TTN: variants seen among roughly 807,000 people sequenced by gnomAD.
TTN encodes titin, also known as connectin.
TTN carries 1,525 observed loss-of-function variants against 3,223.0 expected under a neutral mutation model. That is an observed-to-expected ratio of 0.47 (90% CI 0.45 to 0.49). The LOEUF is 0.49. Ranked by LOEUF, TTN falls within the 20% of genes least tolerant of loss-of-function variation. TTN has a pLI of 0.00. For missense variants in TTN, 40,786 were observed against 43,424.0 expected (o/e 0.94, Z 5.40); for synonymous variants, 14,094 against 15,161.0 (o/e 0.93, Z 5.17).
Position 178,582,519 on chromosome 2 carries a change from C to T in TTN, c.65937G>A (p.Pro21979=), listed in dbSNP as rs765734959. 1.9e-5 allele frequency: 30 copies of T among 1,612,742 alleles called. No individual in the cohort carries two copies. Among genetic ancestry groups the T allele is most frequent in the South Asian group, 3.3e-5 (3 of 91,016 alleles). Residue 21979 remains proline, a synonymous_variant, in exon 314 of 363, where the codon CCG becomes CCA. Coordinates refer to ENST00000589042, the MANE Select transcript of TTN (RefSeq NM_001267550.2). ...TTTCTGAGCCTCCATCTTCAAGAGG[C>T]GGTTCCCAAGAAAGCATAGCACGAT... ...YSDRAMLSWE[P]PLEDGGSEIT...
chr2:178,763,997 T>C (rs2089871027), intron 43 of TTN, among the ~76,000 whole-genome samples, 180 bp downstream of exon 43: 1 of 152,166 alleles, frequency 6.6e-6, no homozygotes, highest in African/African-American at 2.4e-5. Context: ...GGGCACAAAA[T>C]AGTGAAAAAC....
rs779707857 is a variant in TTN at position 178,577,585 on chromosome 2, A to G, written c.68824+17T>C. The G allele has an allele frequency of 1.0e-5, 16 of 1,562,688 alleles. No individual in the cohort carries two copies. The highest frequency in any genetic ancestry group is 1.4e-5 in the Non-Finnish European group (16 of 1,158,664). ...TGCTTTAAAAAAAAAAGTACATAAA[A>G]AGTAAAATGGACCTACCGTATTCAT... On this transcript the variant is annotated intron_variant, in intron 323 of 362. Transcript: ENST00000589042.
Position 178,785,997 on chromosome 2 carries a change from T to C in TTN, c.2221A>G (p.Ile741Val), listed in dbSNP as rs1254101398. The C allele has an allele frequency of 1.9e-6, 3 of 1,614,050 alleles. No individual in the cohort carries two copies. The highest frequency in any genetic ancestry group is 2.5e-6 in the Non-Finnish European group (3 of 1,179,986). Residue 741 changes from isoleucine (I) to valine (V), a missense_variant, in exon 14 of 363, where the codon ATT becomes GTT. Ile to Val is a conservative substitution (Grantham distance 29). Transcript: ENST00000589042. ...TTLEYGYKER[I>V]SAAKVAEPPQ... Reference sequence around the variant, plus strand: ...GGCTCAGCTACCTTTGCGGCGGAAATGCGTTCCTTATATCCGTACTCCAAA... The same window carrying C: ...GGCTCAGCTACCTTTGCGGCGGAAACGCGTTCCTTATATCCGTACTCCAAA...
At chr2:178,650,025 T>A in intron 210 of TTN, 131 bp from the exon 211 acceptor site, 1 of 1,299,782 alleles carries the variant, frequency 7.7e-7, no homozygotes, top group Non-Finnish European at 1.1e-6. Context: ...AAGTTTTATG[T>A]GTAGAAATAA....
chr2:178,681,679 T>C lies in TTN; in HGVS notation c.33154A>G (p.Lys11052Glu). Residue 11052 changes from lysine (K) to glutamate (E), a missense_variant, in exon 136 of 363, where the codon AAG becomes GAG. By Grantham distance (56) the Lys-to-Glu change is moderately conservative. Coordinates refer to ENST00000589042, the MANE Select transcript of TTN (RefSeq NM_001267550.2). ...VPEEPVPTKP[K>E]APPAKVLKKA... is the part of the protein sequence containing the mutation. Reference sequence around the variant, plus strand: ...ACTCTACCTTTAGCCGGTGGGGCCTTTGGTTTTGTGGGAACTGGTTCTTCT... The same window carrying C: ...ACTCTACCTTTAGCCGGTGGGGCCTCTGGTTTTGTGGGAACTGGTTCTTCT... 6.2e-7 allele frequency: 1 copy of C among 1,605,058 alleles called. No homozygotes were observed.
At chr2:178,770,346 G>A (rs554422572) in intron 35 of TTN, 26 bp from the exon 36 acceptor site, 1 of 1,614,164 alleles carries the variant, frequency 6.2e-7, no homozygotes, top group South Asian at 1.1e-5. Flanking sequence ...GAGCAATTCA[G>A]TGATAGGGTT....
Position 178,704,885 on chromosome 2 carries a change from G to A in TTN, c.29686C>T (p.Gln9896Ter). The change falls in exon 104 of 363, where the codon CAG becomes TAG. Residue 9896 changes from glutamine (Q) to a stop codon, truncating the protein, a stop_gained. Transcript: ENST00000589042. LOFTEE classifies it high-confidence loss of function. ...LVSFIQQRLS[Q>*]TEPVTLIKDI... ...AACATAATTCTTTTTACCTCTGTCT[G>A]TGACAGTCTTTGCTGAATAAATGAT... The A allele has an allele frequency of 6.2e-7, 1 of 1,613,426 alleles. No homozygotes were observed. Among genetic ancestry groups the A allele is most frequent in the Non-Finnish European group, 8.5e-7 (1 of 1,179,742 alleles).
rs926251115 is a variant in TTN, at chr2:178,800,590, T to C, written c.388A>G (p.Ile130Val). ...TAGAACTTCACCACAGGTGTAGGGA[T>C]TCCAGTCACTCTCACTTGGAGTCTC... ...QVRLQVRVTGIPTPVVKFYRD... is the reference protein window; with the variant it reads ...QVRLQVRVTGVPTPVVKFYRD... The change falls in exon 4 of 363, where the codon ATC (isoleucine) becomes GTC (valine). Residue 130 changes from isoleucine (I) to valine (V), a missense_variant. By Grantham distance (29) the Ile-to-Val change is conservative. Coordinates refer to ENST00000589042, the MANE Select transcript of TTN (RefSeq NM_001267550.2). The C allele has an allele frequency of 6.2e-7, 1 of 1,613,932 alleles. No homozygotes were observed. Among genetic ancestry groups the C allele is most frequent in the Non-Finnish European group, 8.5e-7 (1 of 1,179,956 alleles).
intron 149 of TTN, among the ~76,000 whole-genome samples, 167 bp downstream of exon 149, chr2:178,675,504 C>G (rs1191772873): frequency 9.9e-5 from 15 of 151,424 alleles, no homozygotes; most frequent in Admixed American, 9.9e-4. Flanking sequence ...ACACCAACAC[C>G]AAGTGAAAAA....
chr2:178,543,377 A>C lies in TTN; in HGVS notation c.96596T>G (p.Val32199Gly), dbSNP rs1364825678. ...EPCETSDAVLVSEVPLVPAKL... is the reference protein window; with the variant it reads ...EPCETSDAVLGSEVPLVPAKL... Reference sequence around the variant, plus strand: ...TGCAGGCACCAAAGGCACTTCTGAGACCAGTACTGCATCAGATGTTTCACA... The same window carrying C: ...TGCAGGCACCAAAGGCACTTCTGAGCCCAGTACTGCATCAGATGTTTCACA... The change falls in exon 347 of 363, where the codon GTC (valine) becomes GGC (glycine). Residue 32199 changes from valine (V) to glycine (G), a missense_variant. Val to Gly is a moderately radical substitution (Grantham distance 109, BLOSUM62 -3). Transcript: ENST00000589042. 2 of 1,613,798 alleles carry C rather than the reference A, an allele frequency of 1.2e-6. No homozygotes were observed. Among genetic ancestry groups the C allele is most frequent in the Non-Finnish European group, 1.7e-6 (2 of 1,179,800 alleles).
Position 178,574,160 on chromosome 2 carries a change from T to C in TTN, c.71972A>G (p.Glu23991Gly). 6.2e-7 allele frequency: 1 copy of C among 1,613,620 alleles called. No individual in the cohort carries two copies. The highest frequency in any genetic ancestry group is 8.5e-7 in the Non-Finnish European group (1 of 1,179,664). Residue 23991 changes from glutamate (E) to glycine (G), a missense_variant, in exon 326 of 363, where the codon GAA becomes GGA. By Grantham distance (98) the Glu-to-Gly change is moderately conservative (BLOSUM62 -2). Coordinates refer to ENST00000589042, the MANE Select transcript of TTN (RefSeq NM_001267550.2). ...ENEFTVSGLT[E>G]DAAYEFRVIA... ...CACACGGAATTCATATGCAGCATCT[T>C]CTGTTAGGCCACTGACTGTAAATTC...
intron 330 of TTN, chr2:178,555,557 G>A (rs1489463913): frequency 1.1e-5 from 2 of 187,712 alleles, no homozygotes; most frequent in Non-Finnish European, 1.1e-5. Context: ...ATCCAAGTGT[G>A]GATGGTTCAT....
chr2:178,573,543 C>T lies in TTN; in HGVS notation c.72589G>A (p.Val24197Ile). ...ACTCCATATTTATTTACAGCCATGA[C>T]ACGGAATATGTATTCATTGCCTTTC... ...LLKGNEYIFR[V>I]MAVNKYGVGE... Residue 24197 changes from valine to isoleucine, a missense_variant, in exon 326 of 363, where the codon GTC becomes ATC. Transcript: ENST00000589042. 2 of 1,497,224 alleles carry T rather than the reference C, an allele frequency of 1.3e-6. No homozygotes were observed. Among genetic ancestry groups the T allele is most frequent in the South Asian group, 2.9e-5 (2 of 68,628 alleles). 92.7% of individuals were successfully genotyped at this position (1,497,224 alleles called of 1,614,324 possible).
chr2:178,546,634 T>C lies in TTN; in HGVS notation c.94794A>G (p.Glu31598=), dbSNP rs368885714. Residue 31598 remains glutamate, a synonymous_variant, in exon 341 of 363, where the codon GAA becomes GAG. Coordinates refer to ENST00000589042, the MANE Select transcript of TTN (RefSeq NM_001267550.2). ...NAAGVISKGS[E]STGPVTCRDE... is the part of the protein sequence containing the mutation. The stretch of plus-strand genomic sequence containing the variant: ...CTCGGCAAGTGACAGGGCCTGTAGA[T>C]TCAGACCCTTTGCTAATTACGCCTG... 7.4e-6 allele frequency: 12 copies of C among 1,613,216 alleles called. No homozygotes were observed. The highest frequency in any genetic ancestry group is 1.0e-5 in the Non-Finnish European group (12 of 1,179,418).
In TTN at chr2:178,576,752, C is replaced by T. The variant is rs751921225; in HGVS notation, c.69492G>A (p.Val23164=). 2.2e-5 allele frequency: 36 copies of T among 1,613,448 alleles called. No homozygotes were observed. The South Asian group carries it at 3.4e-4, about 15-fold the overall frequency. The change falls in exon 325 of 363, where the codon GTG becomes GTA. Residue 23164 remains valine, a synonymous_variant. Transcript: ENST00000589042. This position sits in a 1 kb window ranked among gnomAD's most constrained non-coding sequence, Gnocchi z 4.3. ...NTATVSWKRP[V]DDGGSEITGY... Reference sequence around the variant, plus strand: ...CTGTAATTTCGCTGCCACCATCATCCACTGGCCTTTTCCAGCTGACAGTGG... The same window carrying T: ...CTGTAATTTCGCTGCCACCATCATCTACTGGCCTTTTCCAGCTGACAGTGG...
Position 178,629,964 on chromosome 2 carries a change from T to C in TTN, c.44281+277A>G, listed in dbSNP as rs147998663. Among the ~76,000 whole-genome samples, 10 of 152,186 alleles carry C rather than the reference T, an allele frequency of 6.6e-5. No homozygotes were observed. The East Asian group carries it at 1.9e-3, about 30-fold the overall frequency. On this transcript the variant is annotated intron_variant, in intron 239 of 362. Transcript: ENST00000589042. ...TTAAGGGTTCTGAGTTAGATTCTCA[T>C]TGTATGTGTATCTACTTTCAATGAG...
At position 178,732,646 on chromosome 2, in the gene TTN, G is replaced by A. The variant is rs911246876; in HGVS notation, c.16415C>T (p.Thr5472Ile). Residue 5472 changes from threonine (T) to isoleucine (I), a missense_variant, in exon 56 of 363, where the codon ACT becomes ATT. Physicochemically the swap from Thr to Ile is moderately conservative, Grantham distance 89. Transcript: ENST00000589042. ...TGTGAGAGGAGTAGATCCTTGGAAAGTGCTCTTCAGGCAGACTGCTGAGCC... is the reference window on the plus strand; with the variant it reads ...TGTGAGAGGAGTAGATCCTTGGAAAATGCTCTTCAGGCAGACTGCTGAGCC... ...LPGSAVCLKS[T>I]FQGSTPLTIR... is the part of the protein sequence containing the mutation. 6.2e-7 allele frequency: 1 copy of A among 1,612,872 alleles called. No homozygotes were observed.
chr2:178,567,638 G>A lies in TTN; in HGVS notation c.78494C>T (p.Ala26165Val), dbSNP rs2154166413. 1.9e-6 allele frequency: 3 copies of A among 1,612,270 alleles called. No homozygotes were observed. The African/African-American group carries it at 4.0e-5, about 21-fold the overall frequency. Reference protein sequence around the residue: ...EDQRYEFRVIAKNAAGAISKP... With the variant: ...EDQRYEFRVIVKNAAGAISKP... ...ACTTATTGCACCAGCTGCATTCTTT[G>A]CAATGACTCTGAATTCATATCTTTG... Residue 26165 changes from alanine (A) to valine (V), a missense_variant, in exon 326 of 363, where the codon GCA (alanine) becomes GTA (valine). Physicochemically the swap from Ala to Val is moderately conservative, Grantham distance 64. Coordinates refer to ENST00000589042, the MANE Select transcript of TTN (RefSeq NM_001267550.2).
chr2:178,529,344 A>G (rs949055862), intron 359 of TTN, 125 bp from the exon 360 acceptor site: 2 of 625,658 alleles, frequency 3.2e-6, no homozygotes, highest in South Asian at 3.7e-5. Flanking sequence ...AATGTAGGTA[A>G]TACCTAATAC....
Sources: gnomAD v4.1 joint callset for allele counts (sites outside exome capture counted in the v4.1 genomes callset) on GRCh38, gnomAD v4.1.1 for gene constraint, Gnocchi (gnomAD v3.1) non-coding constraint, MANE v1.5 for transcripts, NCBI Gene and HGNC (gene_info 2026-07-23, HGNC 2026-07-21) for gene names.